Variants in SPAG9 observed in about 807,000 individuals in gnomAD.
SPAG9 encodes the protein C-Jun-amino-terminal kinase-interacting protein 4.
A neutral mutation model predicts 166.5 loss-of-function variants in SPAG9; 35 were observed. That is an observed-to-expected ratio of 0.21 (90% CI 0.16 to 0.28). The LOEUF (loss-of-function observed/expected upper bound fraction) is 0.28, where lower values mean the gene tolerates loss of function less well. Ranked by LOEUF, SPAG9 falls within the 10% of genes least tolerant of loss-of-function variation. The probability of loss-of-function intolerance (pLI) is 1.00; values close to 1 mark genes in which losing one functional copy is unlikely to be tolerated. For synonymous variants in SPAG9, 534 were observed against 565.5 expected (o/e 0.94, Z 0.79); for missense variants, 1,235 against 1,603.3 (o/e 0.77, Z 3.92).
chr17:51,008,076 C>T (rs1343709288), intron 9 of SPAG9, among the ~76,000 whole-genome samples: 1 of 152,110 alleles, frequency 6.6e-6, no homozygotes, highest in Non-Finnish European at 1.5e-5. Context: ...AAATGCTTTA[C>T]CAATTCTTTC....
At chr17:51,066,320 AGGCTGGTCTC>A (rs937203831) in intron 2 of SPAG9, among the ~76,000 whole-genome samples, 1 of 152,094 alleles carries the variant, frequency 6.6e-6, no homozygotes, top group Non-Finnish European at 1.5e-5. Context: ...TATGTTGCCC[AGGCTGGTCTC>A]GATCTCCTGG....
chr17:51,086,695 G>C (rs1231922947), intron 1 of SPAG9, among the ~76,000 whole-genome samples: 2 of 152,102 alleles, frequency 1.3e-5, no homozygotes, highest in Non-Finnish European at 1.5e-5. Context: ...CACTTTGGGA[G>C]GCCAAGGTGG....
At chr17:51,021,920 C>T (rs1020645096) in intron 6 of SPAG9, among the ~76,000 whole-genome samples, 1 of 151,912 alleles carries the variant, frequency 6.6e-6, no homozygotes, top group Non-Finnish European at 1.5e-5. Context: ...GTCAGGAGTT[C>T]GAGACCAGCC....
At chr17:50,995,366 AC>A (rs2044631315) in intron 17 of SPAG9, 77 bp downstream of exon 17, 1 of 1,332,582 alleles carries the variant, frequency 7.5e-7, no homozygotes, top group South Asian at 1.3e-5. Context: ...TAGAAGTAAT[AC>A]TTATACTTTT....
chr17:51,076,156 T>C (rs919482888), intron 2 of SPAG9, among the ~76,000 whole-genome samples: 1 of 151,846 alleles, frequency 6.6e-6, no homozygotes, highest in Non-Finnish European at 1.5e-5. Flanking sequence ...GCAAGGTGGC[T>C]CATGCCTGTA....
Position 50,995,525 on chromosome 17 carries a change from A to G in SPAG9, c.1977T>C (p.Asn659=), listed in dbSNP as rs1438281433. The change falls in exon 17 of 30, where the codon AAT becomes AAC. Residue 659 remains asparagine (N), a synonymous_variant. Transcript: ENST00000262013. ...TTTTCATCTTATTTTCACCTTGACC[A>G]TTGGTTACCTAATAATGGTGGAAGG... ...SLPQKYKQVT[N]GQGENKMKNL... 21 of 1,603,438 alleles carry G rather than the reference A, an allele frequency of 1.3e-5. No homozygotes were observed. The highest frequency in any genetic ancestry group is 1.1e-4 in the East Asian group (5 of 44,848).
chr17:50,991,472 TTA>T (rs1472006650), intron 19 of SPAG9, among the ~76,000 whole-genome samples: 1 of 151,992 alleles, frequency 6.6e-6, no homozygotes, highest in Admixed American at 6.6e-5. Flanking sequence ...GAAAATTGTT[TTA>T]TTTATATCAC....
chr17:51,046,487 G>C (rs2144446510), intron 4 of SPAG9: 2 of 1,527,126 alleles, frequency 1.3e-6, no homozygotes, highest in East Asian at 4.9e-5. Flanking sequence ...GCTTCTAAGA[G>C]AGATGGGAGT....
chr17:51,027,932 T>C (rs2046247797), intron 6 of SPAG9, among the ~76,000 whole-genome samples: 2 of 152,176 alleles, frequency 1.3e-5, no homozygotes, highest in Admixed American at 6.5e-5. Flanking sequence ...TCCATGTGTG[T>C]CATTGCTCCT....
Position 51,120,083 on chromosome 17 carries a change from G to C in SPAG9, c.303+271C>G, listed in dbSNP as rs1029861371. ...AATCTCCGCCCTTGGCCAACCCCAG[G>C]TGTCCTCAGGCCAGGCTGCCGCTTC... is the stretch of plus-strand genomic sequence containing the variant. On this transcript the variant is annotated intron_variant, in intron 1 of 29. Transcript: ENST00000262013. The surrounding 1 kb of genome is among the most constrained non-coding windows in gnomAD (Gnocchi z 4.7). 6.6e-6 allele frequency among the ~76,000 whole-genome samples: 1 copy of C among 152,198 alleles called. No individual in the cohort carries two copies. Among genetic ancestry groups the C allele is most frequent in the Non-Finnish European group, 1.5e-5 (1 of 68,040 alleles).
At chr17:51,106,729 G>A (rs1568093941) in intron 1 of SPAG9, among the ~76,000 whole-genome samples, 1 of 152,084 alleles carries the variant, frequency 6.6e-6, no homozygotes, top group South Asian at 2.1e-4. Flanking sequence ...CCTGGGAGGC[G>A]GAGGTTGCAG....
chr17:51,099,587 G>GT (rs1568087291), intron 1 of SPAG9, among the ~76,000 whole-genome samples: 1 of 151,596 alleles, frequency 6.6e-6, no homozygotes, highest in Non-Finnish European at 1.5e-5. Flanking sequence ...GTGTTATGAT[G>GT]TTTGCTACAT....
intron 1 of SPAG9, among the ~76,000 whole-genome samples, chr17:51,108,084 GAAAAA>G (rs775993771): frequency 8.2e-6 from 1 of 121,294 alleles, no homozygotes; most frequent in South Asian, 2.6e-4. Context: ...CATGATTTAA[GAAAAA>G]AAAAAAAAAA....
chr17:51,017,139 T>C (rs928835271), intron 8 of SPAG9, among the ~76,000 whole-genome samples: 17 of 152,204 alleles, frequency 1.1e-4, no homozygotes, highest in Non-Finnish European at 2.1e-4. Flanking sequence ...GGTTCCGTAT[T>C]TGATCTACAA....
intron 24 of SPAG9, among the ~76,000 whole-genome samples, chr17:50,983,968 G>A (rs1380333194): frequency 6.6e-6 from 1 of 152,054 alleles, no homozygotes; most frequent in East Asian, 1.9e-4. Context: ...CATTTCCCCA[G>A]CCCAGAAAGA....
intron 1 of SPAG9, among the ~76,000 whole-genome samples, chr17:51,105,444 G>A (rs985604073): frequency 3.9e-5 from 6 of 152,174 alleles, no homozygotes; most frequent in Non-Finnish European, 7.3e-5. Flanking sequence ...AGAATAATGA[G>A]TAGGAGACAC....
chr17:51,050,559 T>C (rs542064127), intron 3 of SPAG9, among the ~76,000 whole-genome samples: 16 of 152,314 alleles, frequency 1.1e-4, no homozygotes, highest in African/African-American at 3.4e-4. Context: ...AATGAGCCCA[T>C]TGTCCTTTCT....
intron 1 of SPAG9, among the ~76,000 whole-genome samples, chr17:51,083,228 TTTC>T (rs1203829022): frequency 1.3e-5 from 2 of 151,414 alleles, no homozygotes; most frequent in Non-Finnish European, 2.9e-5. Flanking sequence ...GTTTTTCTTT[TTTC>T]TTTTTTTTTT....
At chr17:51,079,832 G>A in intron 1 of SPAG9, 128 bp from the exon 2 acceptor site, 1 of 573,662 alleles carries the variant, frequency 1.7e-6, no homozygotes, top group Non-Finnish European at 2.9e-6. Flanking sequence ...TATGACCTTG[G>A]GTTGATTTTT....
Sources: gnomAD v4.1 joint callset for allele counts (sites outside exome capture counted in the v4.1 genomes callset) on GRCh38, gnomAD v4.1.1 for gene constraint, Gnocchi (gnomAD v3.1) non-coding constraint, MANE v1.5 for transcripts, NCBI Gene and HGNC (gene_info 2026-07-23, HGNC 2026-07-21) for gene names.